CFAP61: variants seen among roughly 807,000 people sequenced by gnomAD.
CFAP61 encodes cilia and flagella associated protein 61, also known as cilia- and flagella-associated protein 61.
In CFAP61, 107 loss-of-function variants were observed where a neutral mutation model predicts 135.6. That is an observed-to-expected ratio of 0.79 (90% CI 0.67 to 0.93). The LOEUF (loss-of-function observed/expected upper bound fraction) is 0.93. CFAP61 is among the 40% of genes least tolerant of loss of function. The pLI is 0.00. For synonymous variants in CFAP61, 575 were observed against 578.5 expected, an observed-to-expected ratio of 0.99 and a Z score of 0.09; for missense variants, 1,507 against 1,556.2, an observed-to-expected ratio of 0.97 and a Z score of 0.53.
chr20:20,343,630 A>G (rs2058529413), intron 26 of CFAP61, among the ~76,000 whole-genome samples: 2 of 152,184 alleles, frequency 1.3e-5, no homozygotes, highest in Admixed American at 6.5e-5. Context: ...TCAGCTCCTC[A>G]GACACCTTCC....
intron 2 of CFAP61, among the ~76,000 whole-genome samples, chr20:20,061,429 C>T (rs1400246210): frequency 6.6e-6 from 1 of 152,094 alleles, no homozygotes; most frequent in Non-Finnish European, 1.5e-5. Flanking sequence ...AGACATACCT[C>T]ATATATAAAG....
In CFAP61 at chr20:20,180,008, GA is replaced by G. The variant is rs551395887; in HGVS notation, c.1386-7916del. 5.4e-3 allele frequency among the ~76,000 whole-genome samples: 825 copies of G among 152,208 alleles called. 6 individuals are homozygous for G. Among genetic ancestry groups the G allele is most frequent in the Non-Finnish European group, 7.5e-3 (510 of 67,972 alleles). On this transcript the variant is annotated intron_variant, in intron 13 of 26. Transcript: ENST00000245957. ...GATGCCAAAAGCAATTACAACAAAA[GA>G]AAAAATTGACACATGGTATCTAATT...
At chr20:20,120,823 CATAG>C (rs993390711) in intron 8 of CFAP61, among the ~76,000 whole-genome samples, 1 of 152,160 alleles carries the variant, frequency 6.6e-6, no homozygotes, top group Admixed American at 6.5e-5. Context: ...GTGTTGAGTT[CATAG>C]ATATTTATAA....
intron 8 of CFAP61, among the ~76,000 whole-genome samples, chr20:20,109,690 C>T (rs191131208): frequency 6.6e-6 from 1 of 152,306 alleles, no homozygotes; most frequent in East Asian, 1.9e-4. Flanking sequence ...GTGATTATAT[C>T]TCTTTCTTCT....
At chr20:20,304,561 ACACT>A (rs142886673) in intron 25 of CFAP61, among the ~76,000 whole-genome samples, 5,179 of 151,146 alleles carry the variant, frequency 0.034, 118 homozygotes, top group Middle Eastern at 0.065. Flanking sequence ...CTCACAATGT[ACACT>A]CACTCACACG....
intron 8 of CFAP61, among the ~76,000 whole-genome samples, chr20:20,109,727 T>A (rs2048667150): frequency 1.3e-5 from 2 of 152,302 alleles, no homozygotes; most frequent in Non-Finnish European, 2.9e-5. Context: ...TTTTACTCTG[T>A]CTTGTCTTTT....
intron 8 of CFAP61, among the ~76,000 whole-genome samples, chr20:20,115,387 G>A (rs1398902930): frequency 6.6e-6 from 1 of 151,734 alleles, no homozygotes; most frequent in Non-Finnish European, 1.5e-5. Flanking sequence ...TCAAATCAGT[G>A]TAATTGGGAT....
chr20:20,265,756 T>G (rs1273500015), intron 21 of CFAP61: 1 of 440,274 alleles, frequency 2.3e-6, no homozygotes, highest in East Asian at 3.9e-5. Flanking sequence ...TTCATTTAAC[T>G]CTGTGTAGAG....
In CFAP61 at chr20:20,070,182, G is replaced by A. The variant is rs183845503; in HGVS notation, c.144-672G>A. ...TGGAAAGCCTGCTTCTCCTCTCTTC[G>A]CTTTATTAACTCACTGGGTTACCTT... On this transcript the variant is annotated intron_variant, in intron 2 of 26. Coordinates refer to ENST00000245957, the MANE Select transcript of CFAP61 (RefSeq NM_015585.4). Among the ~76,000 whole-genome samples the A allele has an allele frequency of 1.2e-3, 185 of 152,236 alleles. 2 individuals carry two copies. In the South Asian group the frequency reaches 0.014, roughly 12 times the overall value.
At chr20:20,211,864 C>T (rs1339205436) in intron 17 of CFAP61, among the ~76,000 whole-genome samples, 1 of 152,222 alleles carries the variant, frequency 6.6e-6, no homozygotes, top group Non-Finnish European at 1.5e-5. Context: ...TTTCCAGTCA[C>T]CTTAGCAGAG....
intron 22 of CFAP61, 99 bp downstream of exon 22, chr20:20,277,557 A>G (rs1382343451): frequency 7.7e-7 from 1 of 1,303,056 alleles, no homozygotes; most frequent in Non-Finnish European, 1.1e-6. Flanking sequence ...AATTTGTAGT[A>G]CCAGATGTTG....
intron 24 of CFAP61, among the ~76,000 whole-genome samples, chr20:20,292,733 A>G (rs988569249): frequency 6.6e-6 from 1 of 152,220 alleles, no homozygotes; most frequent in Admixed American, 6.5e-5. Context: ...GCTTCCTCAC[A>G]GTATGGTGGC....
chr20:20,075,730 A>G (rs1329753157), intron 6 of CFAP61, 115 bp downstream of exon 6: 2 of 1,100,874 alleles, frequency 1.8e-6, no homozygotes. Flanking sequence ...ATTTTTTACA[A>G]TACTCATAAG....
At chr20:20,346,447 G>A (rs186968712) in intron 26 of CFAP61, among the ~76,000 whole-genome samples, 59 of 150,070 alleles carry the variant, frequency 3.9e-4, no homozygotes, top group Admixed American at 8.0e-4. Context: ...GAACCTGGGA[G>A]GTAGAGGTTG....
At chr20:20,119,649 T>A (rs1013541886) in intron 8 of CFAP61, among the ~76,000 whole-genome samples, 4 of 151,278 alleles carry the variant, frequency 2.6e-5, no homozygotes, top group East Asian at 3.8e-4. Context: ...GATTTTTTTT[T>A]AAACTTTTAA....
At chr20:20,216,652 G>T (rs751314091) in intron 17 of CFAP61, among the ~76,000 whole-genome samples, 4 of 152,086 alleles carry the variant, frequency 2.6e-5, no homozygotes, top group Non-Finnish European at 4.4e-5. Flanking sequence ...TTTTATTTTC[G>T]TAACTACTTC....
At chr20:20,061,880 G>A (rs527872593) in intron 2 of CFAP61, among the ~76,000 whole-genome samples, 100 of 152,312 alleles carry the variant, frequency 6.6e-4, no homozygotes, top group African/African-American at 2.3e-3. Flanking sequence ...GGAGAGGCAC[G>A]CAGGGTATCC....
chr20:20,304,092 C>T (rs980105862), intron 25 of CFAP61, among the ~76,000 whole-genome samples: 2 of 152,096 alleles, frequency 1.3e-5, no homozygotes, highest in Admixed American at 1.3e-4. Context: ...AGGTGGCGGC[C>T]GAGCTGTCAG....
At chr20:20,059,117 T>C (rs1342132402) in intron 2 of CFAP61, among the ~76,000 whole-genome samples, 1 of 151,214 alleles carries the variant, frequency 6.6e-6, no homozygotes, top group Non-Finnish European at 1.5e-5. Flanking sequence ...GATCACGAGG[T>C]CAAGAGATTA....
Sources: allele counts gnomAD v4.1 joint callset (sites outside exome capture counted in the v4.1 genomes callset), GRCh38; gene constraint gnomAD v4.1.1; transcripts MANE v1.5; gene names NCBI Gene and HGNC (gene_info 2026-07-23, HGNC 2026-07-21).